The following ELP4 variants were observed in gnomAD, a reference collection of about 807,000 sequenced individuals.
ELP4 encodes elongator acetyltransferase complex subunit 4.
Under a neutral mutation model 48.9 loss-of-function variants are expected in ELP4, and 51 were observed. That is an observed-to-expected ratio of 1.04 (90% confidence interval 0.83 to 1.32). ELP4 has a LOEUF of 1.32. Among genes scored for constraint, ELP4 ranks in the 40% most tolerant of loss-of-function variants. The pLI is 0.00. For missense variants in ELP4, 519 were observed against 514.6 expected, an observed-to-expected ratio of 1.01 and a Z score of -0.08; for synonymous variants, 210 against 189.2, an observed-to-expected ratio of 1.11 and a Z score of -0.90.
intron 9 of ELP4, chr11:31,651,699 G>A (rs778639967): frequency 6.6e-6 from 1 of 151,662 alleles, no homozygotes; most frequent in Non-Finnish European, 1.5e-5. Flanking sequence ...TTTAATGGAA[G>A]ACGTAAGTTT....
intron 5 of ELP4, among the ~76,000 whole-genome samples, chr11:31,613,716 C>CT (rs570320794): frequency 0.012 from 1,534 of 126,308 alleles, 22 homozygotes; most frequent in African/African-American, 0.032. Flanking sequence ...GAACAAGAGT[C>CT]TTTTTTTTTT....
intron 9 of ELP4, among the ~76,000 whole-genome samples, chr11:31,721,184 G>C (rs1946952392): frequency 6.6e-6 from 1 of 152,110 alleles, no homozygotes; most frequent in African/African-American, 2.4e-5. Flanking sequence ...ATGTACTTTT[G>C]AGCTAGTATG....
chr11:31,771,841 T>TA (rs1174105952), intron 9 of ELP4, among the ~76,000 whole-genome samples: 1 of 152,032 alleles, frequency 6.6e-6, no homozygotes, highest in Non-Finnish European at 1.5e-5. Flanking sequence ...TAGCCGGGCG[T>TA]GGTGGCGGCA....
intron 9 of ELP4, among the ~76,000 whole-genome samples, chr11:31,677,083 G>A (rs1259535695): frequency 6.6e-6 from 1 of 152,164 alleles, no homozygotes; most frequent in African/African-American, 2.4e-5. Flanking sequence ...AGTAGAAAAG[G>A]TTTGTAATAT....
intron 9 of ELP4, among the ~76,000 whole-genome samples, chr11:31,732,105 G>A (rs951362555): frequency 8.5e-5 from 13 of 152,052 alleles, no homozygotes; most frequent in African/African-American, 2.9e-4. Context: ...AACACGAACA[G>A]GGAAGTATAA....
intron 7 of ELP4, chr11:31,647,122 T>C (rs1281942413): frequency 6.6e-6 from 1 of 151,802 alleles, no homozygotes; most frequent in Non-Finnish European, 1.5e-5. Context: ...CTACCATCTT[T>C]TCTTTCCCTT....
intron 9 of ELP4, chr11:31,653,781 T>G (rs904480860): frequency 6.6e-6 from 1 of 151,822 alleles, no homozygotes; most frequent in Admixed American, 6.6e-5. Flanking sequence ...ACGTGTAAGA[T>G]AACTTGAGTA....
At chr11:31,608,207 C>T (rs918954067) in intron 5 of ELP4, among the ~76,000 whole-genome samples, 1 of 151,282 alleles carries the variant, frequency 6.6e-6, no homozygotes. Context: ...TCCTTTAGGT[C>T]GATTACCGTA....
chr11:31,751,127 C>G (rs1296840417), intron 9 of ELP4, among the ~76,000 whole-genome samples: 1 of 152,080 alleles, frequency 6.6e-6, no homozygotes, highest in Non-Finnish European at 1.5e-5. Context: ...ACATTCTAAA[C>G]CTTCTCTCAA....
chr11:31,634,954 C>A (rs1592177725), intron 7 of ELP4, among the ~76,000 whole-genome samples: 1 of 151,820 alleles, frequency 6.6e-6, no homozygotes, highest in Non-Finnish European at 1.5e-5. Flanking sequence ...CATTCCTAGA[C>A]GATTTTGCAA....
chr11:31,763,490 C>G, intron 9 of ELP4: 1 of 1,611,300 alleles, frequency 6.2e-7, no homozygotes, highest in Non-Finnish European at 8.5e-7. Context: ...CAGAAAGACT[C>G]TGCATGGGGA....
At chr11:31,771,811 C>T (rs2134271128) in intron 9 of ELP4, among the ~76,000 whole-genome samples, 1 of 152,298 alleles carries the variant, frequency 6.6e-6, no homozygotes, top group South Asian at 2.1e-4. Flanking sequence ...AACCCTGTAT[C>T]TACTAAAGAT....
At chr11:31,672,861 A>G (rs2134109418) in intron 9 of ELP4, among the ~76,000 whole-genome samples, 1 of 152,318 alleles carries the variant, frequency 6.6e-6, no homozygotes, top group African/African-American at 2.4e-5. Flanking sequence ...AACAGTTATC[A>G]CATGCACAGT....
chr11:31,525,365 T>C (rs1956280483), intron 2 of ELP4, among the ~76,000 whole-genome samples: 1 of 152,216 alleles, frequency 6.6e-6, no homozygotes, highest in Admixed American at 6.5e-5. Context: ...TCTTACAATG[T>C]GTTCAGCACT....
At position 31,780,787 on chromosome 11, in the gene ELP4, A is replaced by G. The variant is rs530778444; in HGVS notation, c.1144-2606A>G. On this transcript the variant is annotated intron_variant, in intron 9 of 9. Coordinates refer to ENST00000640961, the MANE Select transcript of ELP4 (RefSeq NM_019040.5). Reference sequence around the variant, plus strand: ...GTAGGCTCCTGAAATAAATTGTATTATGCTTGTTCTAAATAAAGCACGCAA... The same window carrying G: ...GTAGGCTCCTGAAATAAATTGTATTGTGCTTGTTCTAAATAAAGCACGCAA... 7 of 152,374 alleles carry G rather than the reference A, an allele frequency of 4.6e-5. No individual in the cohort carries two copies. The East Asian group carries it at 1.2e-3, about 25-fold the overall frequency. 9.4% of individuals were successfully genotyped at this position (152,374 alleles called of 1,614,324 possible). A position where few individuals can be genotyped will look rare whatever the true frequency, so the allele number is the denominator to read the frequency against.
chr11:31,766,915 TG>T (rs1413621791), intron 9 of ELP4, among the ~76,000 whole-genome samples: 1 of 152,124 alleles, frequency 6.6e-6, no homozygotes, highest in Non-Finnish European at 1.5e-5. Context: ...TGCCACTACT[TG>T]ATATATTTCT....
intron 4 of ELP4, among the ~76,000 whole-genome samples, chr11:31,601,187 GAGGAAATGT>G (rs1432431237): frequency 0.026 from 4,011 of 151,962 alleles, 165 homozygotes; most frequent in African/African-American, 0.091. Flanking sequence ...ATCTTTTTTA[GAGGAAATGT>G]CTAAGTCTTT....
chr11:31,553,229 A>G (rs1052938701), intron 3 of ELP4, among the ~76,000 whole-genome samples: 1 of 152,192 alleles, frequency 6.6e-6, no homozygotes, highest in Non-Finnish European at 1.5e-5. Context: ...AGTGGATGAC[A>G]AATGAATCCT....
intron 2 of ELP4, among the ~76,000 whole-genome samples, chr11:31,521,965 T>C (rs1284448785): frequency 6.6e-6 from 1 of 152,160 alleles, no homozygotes; most frequent in Non-Finnish European, 1.5e-5. Flanking sequence ...AGTCATTTAC[T>C]TACATCAATA....
Sources: allele counts gnomAD v4.1 joint callset (sites outside exome capture counted in the v4.1 genomes callset), GRCh38; gene constraint gnomAD v4.1.1; transcripts MANE v1.5; gene names NCBI Gene and HGNC (gene_info 2026-07-23, HGNC 2026-07-21).